The following TMEM108 variants were observed in gnomAD, a reference collection of about 807,000 sequenced individuals.
TMEM108 encodes the protein transmembrane protein 108.
TMEM108 carries 12 observed loss-of-function variants against 35.1 expected under a neutral mutation model. The ratio of observed to expected loss-of-function variants is 0.34; its 90% CI spans 0.22 to 0.55. The LOEUF is 0.55. Ranked by LOEUF, TMEM108 falls within the 20% of genes least tolerant of loss-of-function variation. TMEM108 has a pLI of 0.89. For synonymous variants in TMEM108, 287 were observed against 308.6 expected, an observed-to-expected ratio of 0.93 and a Z score of 0.73; for missense variants, 680 against 753.3, an observed-to-expected ratio of 0.90 and a Z score of 1.14.
intron 3 of TMEM108, chr3:133,248,527 C>G (rs778907946): frequency 2.0e-5 from 3 of 152,188 alleles, no homozygotes; most frequent in Non-Finnish European, 2.9e-5. Context: ...CTGCTCCAGC[C>G]TTTCCCTTGC....
chr3:133,051,532 A>G (rs994282353), intron 2 of TMEM108, among the ~76,000 whole-genome samples: 6 of 152,132 alleles, frequency 3.9e-5, no homozygotes, highest in Admixed American at 6.6e-5. Flanking sequence ...CCCAGCTTAT[A>G]AGTTCTTTCT....
intron 3 of TMEM108, among the ~76,000 whole-genome samples, chr3:133,240,676 C>T (rs1019623427): frequency 2.6e-5 from 4 of 152,200 alleles, no homozygotes; most frequent in African/African-American, 9.6e-5. Context: ...CTCATGTTGT[C>T]TCTTACTAGC....
chr3:133,163,504 G>C (rs1944991112), intron 2 of TMEM108, among the ~76,000 whole-genome samples: 1 of 152,158 alleles, frequency 6.6e-6, no homozygotes, highest in African/African-American at 2.4e-5. Flanking sequence ...AGTGATAATA[G>C]CTATTGTGGT....
At chr3:133,355,233 AC>A (rs1392309511) in intron 3 of TMEM108, among the ~76,000 whole-genome samples, 2 of 151,856 alleles carry the variant, frequency 1.3e-5, no homozygotes, top group African/African-American at 4.8e-5. Context: ...TTTTGTTTTT[AC>A]CTCCTAAAGT....
At chr3:133,040,704 A>T (rs1307586045) in intron 1 of TMEM108, among the ~76,000 whole-genome samples, 1 of 152,232 alleles carries the variant, frequency 6.6e-6, no homozygotes, top group Non-Finnish European at 1.5e-5. Flanking sequence ...TGATTAGGTT[A>T]TGCAAGGGAC....
intron 3 of TMEM108, among the ~76,000 whole-genome samples, chr3:133,250,124 C>CCTA: frequency 6.6e-6 from 1 of 152,206 alleles, no homozygotes; most frequent in East Asian, 1.9e-4. Context: ...AAATATAGGA[C>CCTA]TCTGGCTTAG....
intron 4 of TMEM108, among the ~76,000 whole-genome samples, chr3:133,382,677 C>T (rs1009079153): frequency 3.9e-5 from 6 of 152,344 alleles, no homozygotes; most frequent in Middle Eastern, 3.4e-3. Flanking sequence ...AACAAAGCCC[C>T]GAAGGCTTCC....
At chr3:133,265,989 C>T (rs1242279456) in intron 3 of TMEM108, among the ~76,000 whole-genome samples, 1 of 152,170 alleles carries the variant, frequency 6.6e-6, no homozygotes, top group Non-Finnish European at 1.5e-5. Context: ...AATACTAGGA[C>T]AAAGGTTGTC....
chr3:133,338,769 C>T (rs1260544570), intron 3 of TMEM108, among the ~76,000 whole-genome samples: 1 of 151,726 alleles, frequency 6.6e-6, no homozygotes, highest in South Asian at 2.1e-4. Context: ...ATTGACAGCA[C>T]GATAAGATAT....
intron 3 of TMEM108, among the ~76,000 whole-genome samples, chr3:133,231,586 A>T (rs1946153867): frequency 6.6e-6 from 1 of 152,174 alleles, no homozygotes. Context: ...ATTAATCTTG[A>T]AAGTCCCAGA....
intron 2 of TMEM108, among the ~76,000 whole-genome samples, chr3:133,197,976 T>C (rs1283788475): frequency 6.6e-6 from 1 of 152,208 alleles, no homozygotes; most frequent in Non-Finnish European, 1.5e-5. Flanking sequence ...TCCTTCTCTT[T>C]CATCTTTCTA....
In TMEM108 at chr3:133,204,899, G is replaced by T. The variant is rs530006240; in HGVS notation, c.-46-24367G>T. Among the ~76,000 whole-genome samples the T allele has an allele frequency of 3.9e-5, 6 of 152,182 alleles. No homozygotes were observed. The East Asian group carries it at 1.2e-3, about 29-fold the overall frequency. On this transcript the variant is annotated intron_variant, in intron 2 of 5. Transcript: ENST00000321871. ...TTGATCTGTCTAATATTCACAATGGGGTGTTAAAGTCTCCCGCTATTATTT... is the reference window on the plus strand; with the variant it reads ...TTGATCTGTCTAATATTCACAATGGTGTGTTAAAGTCTCCCGCTATTATTT...
intron 3 of TMEM108, among the ~76,000 whole-genome samples, chr3:133,359,161 A>G (rs746028843): frequency 6.6e-5 from 10 of 152,326 alleles, no homozygotes; most frequent in Admixed American, 4.6e-4. Context: ...GTTGACTCCC[A>G]TAAGTGCCTC....
intron 2 of TMEM108, among the ~76,000 whole-genome samples, chr3:133,225,094 G>A (rs1946049784): frequency 6.7e-6 from 1 of 148,764 alleles, no homozygotes; most frequent in South Asian, 2.1e-4. Flanking sequence ...GCCTAGGCTG[G>A]AGTGCAATGG....
chr3:133,291,249 C>T (rs893981128), intron 3 of TMEM108, among the ~76,000 whole-genome samples: 2 of 142,856 alleles, frequency 1.4e-5, no homozygotes, highest in East Asian at 2.2e-4. Flanking sequence ...TTTAAATTAC[C>T]ACCGTGGAGT....
chr3:133,212,994 T>A (rs1462195388), intron 2 of TMEM108, among the ~76,000 whole-genome samples: 1 of 151,816 alleles, frequency 6.6e-6, no homozygotes, highest in East Asian at 1.9e-4. Context: ...ATCAAAAGAA[T>A]TTGACTAAAA....
At position 133,386,668 on chromosome 3, in the gene TMEM108, C is replaced by T. The variant is rs2073155249; in HGVS notation, c.1451-3512C>T. 4.3e-6 allele frequency: 6 copies of T among 1,408,230 alleles called. No individual in the cohort carries two copies. The East Asian group carries it at 1.0e-4, about 24-fold the overall frequency. 87.2% of individuals were successfully genotyped at this position (1,408,230 alleles called of 1,614,324 possible). A position where few individuals can be genotyped will look rare whatever the true frequency, so the allele number is the denominator to read the frequency against. ...GGCTACTGCCTCAGGAGAAACAGAG[C>T]AGTTGAAGCTTTTCAACTAAATGGG... On this transcript the variant is annotated intron_variant, in intron 4 of 5. Coordinates refer to ENST00000321871, the MANE Select transcript of TMEM108 (RefSeq NM_023943.4).
chr3:133,085,720 G>T, intron 2 of TMEM108, among the ~76,000 whole-genome samples: 1 of 151,740 alleles, frequency 6.6e-6, no homozygotes, highest in African/African-American at 2.4e-5. Context: ...GTGTCATGTT[G>T]TACTTTCTTG....
chr3:133,254,936 G>A (rs904285385), intron 3 of TMEM108, among the ~76,000 whole-genome samples: 1 of 152,190 alleles, frequency 6.6e-6, no homozygotes, highest in Non-Finnish European at 1.5e-5. Flanking sequence ...GGTTCATGCT[G>A]GCTGTGAATG....
Sources: gnomAD v4.1 joint callset for allele counts (sites outside exome capture counted in the v4.1 genomes callset) on GRCh38, gnomAD v4.1.1 for gene constraint, MANE v1.5 for transcripts, NCBI Gene and HGNC (gene_info 2026-07-23, HGNC 2026-07-21) for gene names.